TERF1: variants seen among roughly 807,000 people sequenced by gnomAD.
TERF1 encodes telomeric repeat-binding factor 1.
A neutral mutation model predicts 55.1 loss-of-function variants in TERF1; 20 were observed. The ratio of observed to expected loss-of-function variants is 0.36; its 90% CI spans 0.26 to 0.53. The LOEUF (loss-of-function observed/expected upper bound fraction) is 0.53. TERF1 is among the 20% of genes least tolerant of loss of function. TERF1 has a pLI of 0.91. For missense variants in TERF1, 439 were observed against 535.7 expected (o/e 0.82, Z 1.78); for synonymous variants, 168 against 181.2 (o/e 0.93, Z 0.59).
intron 4 of TERF1, among the ~76,000 whole-genome samples, chr8:73,024,284 A>T (rs183910692): frequency 2.0e-5 from 3 of 152,238 alleles, no homozygotes; most frequent in Admixed American, 2.0e-4. Flanking sequence ...AGGAATATCA[A>T]ATCAGCATGG....
intron 7 of TERF1, 40 bp from the exon 8 acceptor site, chr8:73,032,002 C>G (rs1228515785): frequency 4.2e-6 from 6 of 1,420,168 alleles, no homozygotes; most frequent in Non-Finnish European, 5.9e-6. Context: ...GCCTTACTAT[C>G]TTTCTGGAGC....
At chr8:73,045,720 C>A (rs1810002752) in intron 9 of TERF1, among the ~76,000 whole-genome samples, 1 of 152,154 alleles carries the variant, frequency 6.6e-6, no homozygotes, top group African/African-American at 2.4e-5. Flanking sequence ...GTAGCACTGC[C>A]ACTTTCTAGC....
intron 5 of TERF1, among the ~76,000 whole-genome samples, chr8:73,026,002 C>T (rs954826414): frequency 1.3e-5 from 2 of 151,104 alleles, no homozygotes; most frequent in African/African-American, 4.9e-5. Context: ...TGAGACCAGC[C>T]TGGGCAACAT....
intron 5 of TERF1, among the ~76,000 whole-genome samples, chr8:73,026,047 A>C (rs543386545): frequency 6.8e-6 from 1 of 146,960 alleles, no homozygotes; most frequent in African/African-American, 2.5e-5. Flanking sequence ...AAATAGAAAA[A>C]TTTAGCCAGA....
intron 5 of TERF1, among the ~76,000 whole-genome samples, chr8:73,025,352 C>T (rs1020876328): frequency 5.3e-5 from 8 of 152,060 alleles, no homozygotes; most frequent in African/African-American, 1.2e-4. Context: ...CTAGGCCAGG[C>T]GCGGTGGCTC....
intron 2 of TERF1, among the ~76,000 whole-genome samples, chr8:73,016,121 A>G (rs1179748889): frequency 2.0e-5 from 3 of 151,998 alleles, no homozygotes; most frequent in Non-Finnish European, 4.4e-5. Context: ...CCCATCTCTT[A>G]AAAAAAATCA....
In TERF1 at chr8:73,009,421, T is replaced by A. The variant is rs527993664; in HGVS notation, c.319+216T>A. On this transcript the variant is annotated intron_variant, in intron 1 of 9. Coordinates refer to ENST00000276603, the MANE Select transcript of TERF1 (RefSeq NM_017489.3). ...CAGATTGATTTCCTCTTCGATAAAA[T>A]GAAAATAAGACCCTGTTTAGGTTTG... 6 of 572,770 alleles carry A rather than the reference T, an allele frequency of 1.0e-5. No individual in the cohort carries two copies. In the East Asian group the frequency reaches 1.8e-4, roughly 17 times the overall value. The allele number at this position is 572,770 out of a possible 1,614,324, so 35.5% of individuals were successfully genotyped here.
chr8:73,013,356 T>C (rs2975842), intron 1 of TERF1, among the ~76,000 whole-genome samples: 67,506 of 152,050 alleles, frequency 0.44, 16,592 homozygotes, highest in Middle Eastern at 0.59. Context: ...ACTTCAGTAG[T>C]TCAATCGCTT....
chr8:73,017,707 CT>C (rs71949936), intron 2 of TERF1, among the ~76,000 whole-genome samples: 188 of 140,128 alleles, frequency 1.3e-3, no homozygotes, highest in Admixed American at 1.6e-3. Context: ...TATTTTTTTT[CT>C]TTTTTTTTTT....
intron 8 of TERF1, among the ~76,000 whole-genome samples, chr8:73,036,687 C>T (rs891535456): frequency 4.6e-5 from 7 of 151,478 alleles, no homozygotes; most frequent in Non-Finnish European, 8.8e-5. Flanking sequence ...CCTGTGCACC[C>T]GCCTACCACA....
chr8:73,031,438 T>C (rs992044797), intron 7 of TERF1: 8 of 152,196 alleles, frequency 5.3e-5, no homozygotes, highest in African/African-American at 1.9e-4. Context: ...TAAAATAACC[T>C]ACATTTTAGG....
intron 8 of TERF1, among the ~76,000 whole-genome samples, chr8:73,032,629 A>G (rs945148805): frequency 3.9e-5 from 6 of 152,132 alleles, no homozygotes; most frequent in African/African-American, 1.4e-4. Context: ...TAATGTTCAC[A>G]TAAGGACAAA....
intron 8 of TERF1, among the ~76,000 whole-genome samples, chr8:73,034,440 G>GTT (rs34598357): frequency 1.3e-5 from 2 of 151,880 alleles, no homozygotes; most frequent in African/African-American, 2.4e-5. Context: ...GCCTTTTTGT[G>GTT]TTTTTTGTAG....
intron 3 of TERF1, 140 bp from the exon 4 acceptor site, chr8:73,022,076 C>A: frequency 1.9e-6 from 1 of 527,548 alleles, no homozygotes; most frequent in Non-Finnish European, 3.3e-6. Flanking sequence ...AATTTTATAT[C>A]TTTTATCAAA....
intron 8 of TERF1, among the ~76,000 whole-genome samples, chr8:73,034,387 C>G (rs562386936): frequency 1.3e-5 from 2 of 152,124 alleles, no homozygotes; most frequent in Non-Finnish European, 2.9e-5. Flanking sequence ...CCACCTCGGC[C>G]TCCCCAAAGT....
chr8:73,021,055 G>A (rs1390821083), intron 3 of TERF1, among the ~76,000 whole-genome samples: 2 of 152,018 alleles, frequency 1.3e-5, no homozygotes, highest in Admixed American at 6.6e-5. Flanking sequence ...CTCAATTGAT[G>A]CTTAAAGATT....
intron 4 of TERF1, among the ~76,000 whole-genome samples, chr8:73,022,669 C>G (rs866948375): frequency 6.6e-6 from 1 of 151,778 alleles, no homozygotes; most frequent in African/African-American, 2.4e-5. Context: ...AAAAGAGGCC[C>G]GGTGCAATAG....
At chr8:73,027,554 A>G (rs919981355) in intron 6 of TERF1, among the ~76,000 whole-genome samples, 4 of 152,144 alleles carry the variant, frequency 2.6e-5, no homozygotes, top group Non-Finnish European at 4.4e-5. Flanking sequence ...TAAGTCTCCA[A>G]AATTATTTTT....
At chr8:73,030,561 A>T (rs1809242914) in intron 7 of TERF1, 166 bp downstream of exon 7, 1 of 468,876 alleles carries the variant, frequency 2.1e-6, no homozygotes, top group Non-Finnish European at 3.7e-6. Context: ...TGAAATTCCA[A>T]ACTGTAGAGA....
Sources: gnomAD v4.1 joint callset for allele counts (sites outside exome capture counted in the v4.1 genomes callset) on GRCh38, gnomAD v4.1.1 for gene constraint, MANE v1.5 for transcripts, NCBI Gene and HGNC (gene_info 2026-07-23, HGNC 2026-07-21) for gene names.